OLFM3: variants seen among roughly 807,000 people sequenced by gnomAD.
The protein encoded by OLFM3 is olfactomedin 3.
Under a neutral mutation model 48.6 loss-of-function variants are expected in OLFM3, and 20 were observed. The ratio of observed to expected loss-of-function variants is 0.41; its 90% CI spans 0.29 to 0.60. The LOEUF (loss-of-function observed/expected upper bound fraction) is 0.60, where lower values mean the gene tolerates loss of function less well. Among genes scored for constraint, OLFM3 ranks in the 20% least tolerant of loss-of-function variants. The pLI is 0.28. For synonymous variants in OLFM3, 222 were observed against 198.1 expected (o/e 1.12, Z -1.01); for missense variants, 437 against 544.3 (o/e 0.80, Z 1.96).
In OLFM3 at chr1:101,884,040, G is replaced by T. The variant is rs140599087; in HGVS notation, c.70-47015C>A. Among the ~76,000 whole-genome samples, 3 of 151,542 alleles carry T rather than the reference G, an allele frequency of 2.0e-5. No individual in the cohort carries two copies. In the East Asian group the frequency reaches 5.8e-4, roughly 30 times the overall value. On this transcript the variant is annotated intron_variant, in intron 1 of 5. Transcript: ENST00000370103. ...TGTTTAGGTTTATTTATCAACATTT[G>T]TTCACAGCACCATCAATGATCTAGA...
At chr1:101,928,128 A>G (rs1207398319) in intron 1 of OLFM3, among the ~76,000 whole-genome samples, 1 of 152,130 alleles carries the variant, frequency 6.6e-6, no homozygotes, top group Non-Finnish European at 1.5e-5. Context: ...AGCTGCCGCA[A>G]CTAATTTACA....
At chr1:101,949,735 C>A (rs180835869) in intron 1 of OLFM3, among the ~76,000 whole-genome samples, 41 of 152,064 alleles carry the variant, frequency 2.7e-4, no homozygotes, top group Non-Finnish European at 5.0e-4. Context: ...TCAAGACCAT[C>A]CTGGCTAACA....
At chr1:101,881,136 A>G (rs911318652) in intron 1 of OLFM3, among the ~76,000 whole-genome samples, 16 of 151,870 alleles carry the variant, frequency 1.1e-4, no homozygotes, top group Non-Finnish European at 1.8e-4. Flanking sequence ...TTCATTGAAA[A>G]TCTGCACAAT....
At chr1:101,851,340 G>C (rs1367943928) in intron 1 of OLFM3, among the ~76,000 whole-genome samples, 1 of 152,162 alleles carries the variant, frequency 6.6e-6, no homozygotes, top group Non-Finnish European at 1.5e-5. Flanking sequence ...TTGAGAGACT[G>C]AATGAGATGA....
intron 1 of OLFM3, among the ~76,000 whole-genome samples, chr1:101,861,982 A>T (rs1656674750): frequency 6.6e-6 from 1 of 152,188 alleles, no homozygotes. Context: ...TAAAAATAGG[A>T]TTGGGGGAAA....
chr1:101,814,198 T>C (rs1654216464), intron 4 of OLFM3, among the ~76,000 whole-genome samples: 1 of 152,096 alleles, frequency 6.6e-6, no homozygotes, highest in South Asian at 2.1e-4. Flanking sequence ...TTTTAGGTGG[T>C]TAAAAGAACA....
At chr1:101,968,029 A>G (rs1261438938) in intron 1 of OLFM3, among the ~76,000 whole-genome samples, 2 of 152,176 alleles carry the variant, frequency 1.3e-5, no homozygotes, top group Non-Finnish European at 2.9e-5. Flanking sequence ...CCACCTAGCC[A>G]GTTGGTTTAT....
chr1:101,939,063 C>A (rs540392869), intron 1 of OLFM3, among the ~76,000 whole-genome samples: 1 of 151,778 alleles, frequency 6.6e-6, no homozygotes, highest in African/African-American at 2.4e-5. Context: ...TGGTAAAATC[C>A]CTGCAATGCT....
chr1:101,991,188 G>T (rs952149301), intron 1 of OLFM3, among the ~76,000 whole-genome samples: 2 of 151,032 alleles, frequency 1.3e-5, no homozygotes, highest in African/African-American at 4.9e-5. Context: ...CTTTGATGTT[G>T]TCCTAATACT....
chr1:101,831,157 G>A (rs564181707), intron 2 of OLFM3, among the ~76,000 whole-genome samples: 2 of 152,158 alleles, frequency 1.3e-5, no homozygotes, highest in Admixed American at 6.5e-5. Context: ...ATCCCAACCT[G>A]TTAAATGTCA....
intron 1 of OLFM3, among the ~76,000 whole-genome samples, chr1:101,846,587 A>G (rs1656005706): frequency 6.6e-6 from 1 of 152,264 alleles, no homozygotes; most frequent in Non-Finnish European, 1.5e-5. Flanking sequence ...TCCAAGTAAT[A>G]TAGTTAAAGC....
At chr1:101,873,162 T>A (rs901487675) in intron 1 of OLFM3, among the ~76,000 whole-genome samples, 4 of 151,920 alleles carry the variant, frequency 2.6e-5, no homozygotes. Flanking sequence ...TCATAGAATG[T>A]GATAATAAAA....
chr1:101,824,223 C>T (rs774538731), intron 4 of OLFM3, among the ~76,000 whole-genome samples: 5 of 152,048 alleles, frequency 3.3e-5, no homozygotes, highest in African/African-American at 4.8e-5. Flanking sequence ...CCTGTCATAT[C>T]GCATCATGTC....
chr1:101,990,587 A>G (rs1162472513), intron 1 of OLFM3, among the ~76,000 whole-genome samples: 1 of 152,228 alleles, frequency 6.6e-6, no homozygotes, highest in Non-Finnish European at 1.5e-5. Context: ...GCTGAAAGCC[A>G]CTTCTTATTT....
rs144780647 is a variant in OLFM3 at position 101,806,154 on chromosome 1, G to T, written c.621C>A (p.Gly207=). 9.3e-6 allele frequency: 15 copies of T among 1,611,914 alleles called. No individual in the cohort carries two copies. The highest frequency in any genetic ancestry group is 1.2e-5 in the Non-Finnish European group (14 of 1,178,602). Residue 207 remains glycine, a synonymous_variant, in exon 5 of 6, where the codon GGC becomes GGA. Transcript: ENST00000370103. The part of the protein sequence containing the change: ...LTCGKLMKIT[G]PVTVKTSGTR... ...TTCCAGATGTCTTGACTGTAACTGG[G>T]CCTGTGATTTTCATCAGTTTGCCAC... is the stretch of plus-strand genomic sequence containing the variant.
chr1:101,849,603 G>C, intron 1 of OLFM3, among the ~76,000 whole-genome samples: 1 of 152,220 alleles, frequency 6.6e-6, no homozygotes, highest in East Asian at 1.9e-4. Context: ...GGCAGGGGCT[G>C]CAGAGAGTGC....
intron 1 of OLFM3, among the ~76,000 whole-genome samples, chr1:101,925,819 T>G (rs1421758546): frequency 2.0e-5 from 3 of 152,146 alleles, no homozygotes; most frequent in East Asian, 1.9e-4. Flanking sequence ...CATGGGTCAC[T>G]GTGCCTGGCC....
At chr1:101,830,465 A>G (rs1057300700) in intron 3 of OLFM3, among the ~76,000 whole-genome samples, 1 of 152,206 alleles carries the variant, frequency 6.6e-6, no homozygotes. Context: ...AAACTCTACA[A>G]GAATGAAGCT....
chr1:101,955,276 T>C (rs1245651877), intron 1 of OLFM3, among the ~76,000 whole-genome samples: 2 of 152,000 alleles, frequency 1.3e-5, no homozygotes, highest in Non-Finnish European at 2.9e-5. Flanking sequence ...CAGACATTAA[T>C]CACATTTTAA....
Sources: gnomAD v4.1 joint callset for allele counts (sites outside exome capture counted in the v4.1 genomes callset) on GRCh38, gnomAD v4.1.1 for gene constraint, MANE v1.5 for transcripts, NCBI Gene and HGNC (gene_info 2026-07-23, HGNC 2026-07-21) for gene names.